The following MYRFL variants were observed in gnomAD, a reference collection of about 807,000 sequenced individuals.
MYRFL encodes the protein myelin regulatory factor like.
Under a neutral mutation model 109.4 loss-of-function variants are expected in MYRFL, and 88 were observed. That is an observed-to-expected ratio of 0.80 (90% confidence interval 0.68 to 0.96). MYRFL has a LOEUF of 0.96. Among genes scored for constraint, MYRFL ranks in the 40% least tolerant of loss-of-function variants. MYRFL has a pLI of 0.00. For missense variants in MYRFL, 957 were observed against 954.9 expected (o/e 1.00, Z -0.03); for synonymous variants, 324 against 320.9 (o/e 1.01, Z -0.10).
chr12:69,829,039 T>C (rs773993226), intron 1 of MYRFL, among the ~76,000 whole-genome samples: 3 of 151,984 alleles, frequency 2.0e-5, no homozygotes, highest in Non-Finnish European at 4.4e-5. Flanking sequence ...TGGGGAAAAG[T>C]ATGCCGTGGG....
intron 13 of MYRFL, among the ~76,000 whole-genome samples, chr12:69,923,471 CTTAAAT>C (rs1397978417): frequency 1.3e-5 from 2 of 152,044 alleles, no homozygotes; most frequent in Non-Finnish European, 2.9e-5. Context: ...ATATTTCTAA[CTTAAAT>C]TTAGATTTGC....
At chr12:69,845,971 C>T (rs1047923466) in intron 1 of MYRFL, among the ~76,000 whole-genome samples, 1 of 152,060 alleles carries the variant, frequency 6.6e-6, no homozygotes, top group Non-Finnish European at 1.5e-5. Flanking sequence ...GGATTGAGTG[C>T]ATTTGTTTAT....
At chr12:69,856,547 G>A (rs559841017) in intron 2 of MYRFL, among the ~76,000 whole-genome samples, 1 of 152,120 alleles carries the variant, frequency 6.6e-6, no homozygotes, top group East Asian at 1.9e-4. Context: ...TCTCTTCATT[G>A]CCAATTCTTG....
intron 2 of MYRFL, among the ~76,000 whole-genome samples, chr12:69,861,697 T>C (rs554346562): frequency 6.6e-6 from 1 of 152,226 alleles, no homozygotes; most frequent in Admixed American, 6.5e-5. Flanking sequence ...ATTTTGTAGG[T>C]TGCCTGTTCA....
intron 19 of MYRFL, among the ~76,000 whole-genome samples, chr12:69,936,914 C>A (rs1036856847): frequency 1.3e-5 from 2 of 152,114 alleles, no homozygotes; most frequent in African/African-American, 2.4e-5. Context: ...GTAGCACAAG[C>A]GAAGTAATTA....
At chr12:69,883,384 A>G (rs1028214426) in intron 5 of MYRFL, among the ~76,000 whole-genome samples, 5 of 152,222 alleles carry the variant, frequency 3.3e-5, no homozygotes, top group African/African-American at 1.2e-4. Context: ...AAAGACATTC[A>G]TAAGAATGTC....
chr12:69,850,102 G>A (rs1883794183), intron 1 of MYRFL, among the ~76,000 whole-genome samples: 1 of 152,166 alleles, frequency 6.6e-6, no homozygotes, highest in South Asian at 2.1e-4. Context: ...TTTTAAAAAT[G>A]GGAGTTTCCC....
chr12:69,939,228 C>A (rs1955563567), intron 19 of MYRFL, among the ~76,000 whole-genome samples: 1 of 152,204 alleles, frequency 6.6e-6, no homozygotes, highest in African/African-American at 2.4e-5. Context: ...TAGGCTCCAC[C>A]TCTGGGGGCA....
Position 69,854,338 on chromosome 12 carries a change from G to C in MYRFL, c.47-942G>C, listed in dbSNP as rs546018208. The stretch of plus-strand genomic sequence containing the variant: ...TGGGCATCAGAGGGAGACCGTGGAG[G>C]GGGAGGGGGAGGGAGAGGGAGAGGG... On this transcript the variant is annotated intron_variant, in intron 1 of 24. Coordinates refer to ENST00000552032, the MANE Select transcript of MYRFL (RefSeq NM_182530.3). Among the ~76,000 whole-genome samples, 13 of 140,092 alleles carry C rather than the reference G, an allele frequency of 9.3e-5. No individual in the cohort carries two copies. In the South Asian group the frequency reaches 3.2e-3, roughly 34 times the overall value. 91.9% of individuals were successfully genotyped at this position (140,092 alleles called of 152,430 possible).
intron 16 of MYRFL, 193 bp from the exon 17 acceptor site, chr12:69,935,920 T>C: frequency 1.6e-6 from 1 of 632,148 alleles, no homozygotes; most frequent in Non-Finnish European, 2.6e-6. Flanking sequence ...GCTCTTTTTC[T>C]CTCCAGGGCA....
chr12:69,937,905 G>A (rs1955519086), intron 19 of MYRFL, among the ~76,000 whole-genome samples: 1 of 152,122 alleles, frequency 6.6e-6, no homozygotes, highest in South Asian at 2.1e-4. Context: ...TCTACGCTAG[G>A]TACTGTCATA....
chr12:69,939,197 A>C (rs1263736435), intron 19 of MYRFL, among the ~76,000 whole-genome samples: 1 of 152,252 alleles, frequency 6.6e-6, no homozygotes, highest in East Asian at 1.9e-4. Context: ...ACCACAGCTC[A>C]AGGAGGCCTG....
At chr12:69,894,429 T>A (rs541989170) in intron 8 of MYRFL, among the ~76,000 whole-genome samples, 2 of 152,384 alleles carry the variant, frequency 1.3e-5, no homozygotes, top group South Asian at 2.1e-4. Context: ...ATTTTCATAT[T>A]GTTTATTGCT....
intron 19 of MYRFL, among the ~76,000 whole-genome samples, chr12:69,946,071 A>G (rs1160790952): frequency 1.3e-5 from 2 of 151,232 alleles, no homozygotes; most frequent in Admixed American, 1.3e-4. Context: ...ATTATATACA[A>G]TTCTTCCAAA....
At position 69,958,839 on chromosome 12, in the gene MYRFL, A is replaced by AAAT. The variant is rs767942462; in HGVS notation, c.*311_*313dup. The AAAT allele has an allele frequency of 5.2e-4, 135 of 261,390 alleles. No individual in the cohort carries two copies. Among genetic ancestry groups the AAAT allele is most frequent in the Non-Finnish European group, 8.4e-4 (117 of 138,824 alleles). 16.2% of individuals were successfully genotyped at this position (261,390 alleles called of 1,614,324 possible). A position where few individuals can be genotyped will look rare whatever the true frequency, so the allele number is the denominator to read the frequency against. ...TGGTATTAAGGAAGTTGTGAGCTCA[A>AAAT]AATAAGGAGATCTAGCCTCTATTTT... On this transcript the variant is annotated 3_prime_UTR_variant, in exon 25 of 25. Transcript: ENST00000552032.
At chr12:69,952,914 G>GTTGT in intron 21 of MYRFL, 28 bp downstream of exon 21, 1 of 1,466,940 alleles carries the variant, frequency 6.8e-7, no homozygotes. Flanking sequence ...GCATGCCCTG[G>GTTGT]TTGTTTCTGG....
intron 1 of MYRFL, 110 bp downstream of exon 1, chr12:69,825,673 T>C (rs1480351728): frequency 1.6e-6 from 1 of 644,208 alleles, no homozygotes; most frequent in Non-Finnish European, 2.8e-6. Context: ...AATGCTATCA[T>C]ACTTAGGTAA....
chr12:69,909,496 AG>A (rs1954482107), intron 11 of MYRFL, among the ~76,000 whole-genome samples: 1 of 152,372 alleles, frequency 6.6e-6, no homozygotes, highest in Non-Finnish European at 1.5e-5. Context: ...ATGTTCCAAA[AG>A]AAAATTTAGG....
chr12:69,930,836 A>G (rs1305029408), intron 15 of MYRFL, among the ~76,000 whole-genome samples: 1 of 149,770 alleles, frequency 6.7e-6, no homozygotes, highest in Non-Finnish European at 1.5e-5. Flanking sequence ...AAAAAAGAAC[A>G]CGGATAAATA....
Sources: gnomAD v4.1 joint callset for allele counts (sites outside exome capture counted in the v4.1 genomes callset) on GRCh38, gnomAD v4.1.1 for gene constraint, MANE v1.5 for transcripts, NCBI Gene and HGNC (gene_info 2026-07-23, HGNC 2026-07-21) for gene names.